EXOSC7: variants seen among roughly 807,000 people sequenced by gnomAD.
EXOSC7 encodes exosome component 7, also known as exosome complex component RRP42.
A neutral mutation model predicts 34.3 loss-of-function variants in EXOSC7; 25 were observed. That is an observed-to-expected ratio of 0.73 (90% CI 0.53 to 1.02). The LOEUF (loss-of-function observed/expected upper bound fraction) is 1.02, where lower values mean the gene tolerates loss of function less well. EXOSC7 is among the 50% of genes least tolerant of loss of function. EXOSC7 has a pLI of 0.00. For synonymous variants in EXOSC7, 130 were observed against 143.0 expected (o/e 0.91, Z 0.65); for missense variants, 370 against 368.5 (o/e 1.00, Z -0.03).
At position 44,981,807 on chromosome 3, in the gene EXOSC7, C is replaced by T. The variant is rs565040231; in HGVS notation, c.57+5473C>T. Among the ~76,000 whole-genome samples, 6 of 152,244 alleles carry T rather than the reference C, an allele frequency of 3.9e-5. 1 individual carries two copies. The highest frequency in any genetic ancestry group is 6.8e-3 in the Middle Eastern group (2 of 294). On this transcript the variant is annotated intron_variant, in intron 1 of 7. Coordinates refer to ENST00000265564, the MANE Select transcript of EXOSC7 (RefSeq NM_015004.4). ...CCTGTAGGCCTAGCTGCTTGGGAGG[C>T]TGAGGCCAGAGGATCGCTTGAGCCC...
Position 45,005,381 on chromosome 3 carries a change from G to A in EXOSC7, c.582G>A (p.Val194=), listed in dbSNP as rs1189982005. The A allele has an allele frequency of 6.2e-7, 1 of 1,614,128 alleles. No homozygotes were observed. Among genetic ancestry groups the A allele is most frequent in the South Asian group, 1.1e-5 (1 of 91,080 alleles). The part of the protein sequence containing the change: ...DDPYDCIRLS[V]ENVPCIVTLC... ...CTTATGACTGCATACGACTAAGTGT[G>A]GAGAATGTCCCCTGCATTGTCACTC... The change falls in exon 6 of 8, where the codon GTG becomes GTA. Residue 194 remains valine, a synonymous_variant. Transcript: ENST00000265564.
chr3:45,009,398 G>A (rs1389904156), intron 7 of EXOSC7, among the ~76,000 whole-genome samples: 1 of 152,140 alleles, frequency 6.6e-6, no homozygotes, highest in Non-Finnish European at 1.5e-5. Flanking sequence ...ATTCAGAGGC[G>A]TCAAGGCCCT....
At chr3:45,000,460 G>A (rs1211185992) in intron 4 of EXOSC7, among the ~76,000 whole-genome samples, 2 of 152,172 alleles carry the variant, frequency 1.3e-5, no homozygotes, top group African/African-American at 2.4e-5. Flanking sequence ...CAGCCCAGTC[G>A]GCTTTATTCC....
chr3:45,003,048 G>C (rs1343401514), intron 5 of EXOSC7, among the ~76,000 whole-genome samples: 2 of 152,192 alleles, frequency 1.3e-5, no homozygotes, highest in African/African-American at 4.8e-5. Context: ...TTAGCTGTGG[G>C]GGAGTTGCTG....
chr3:44,998,039 GTT>G (rs538691693), intron 4 of EXOSC7, among the ~76,000 whole-genome samples: 4 of 134,686 alleles, frequency 3.0e-5, no homozygotes, highest in Admixed American at 7.5e-5. Context: ...TTGTTTTTTT[GTT>G]TTTTTTTTTT....
intron 5 of EXOSC7, 95 bp from the exon 6 acceptor site, chr3:45,005,196 G>T: frequency 7.0e-7 from 1 of 1,426,450 alleles, no homozygotes; most frequent in African/African-American, 1.4e-5. Flanking sequence ...TCTTTCTCTT[G>T]TGAGACACAG....
chr3:44,982,205 C>G (rs1449546192), intron 1 of EXOSC7, among the ~76,000 whole-genome samples: 1 of 152,216 alleles, frequency 6.6e-6, no homozygotes, highest in African/African-American at 2.4e-5. Context: ...AAGTGTTTCT[C>G]AGATCAGAGA....
intron 3 of EXOSC7, among the ~76,000 whole-genome samples, chr3:44,994,245 TAAA>T (rs76598308): frequency 4.4e-5 from 6 of 137,080 alleles, no homozygotes; most frequent in Non-Finnish European, 4.7e-5. Context: ...TGCTAAACAT[TAAA>T]AAAAAAAAAA....
intron 1 of EXOSC7, among the ~76,000 whole-genome samples, chr3:44,987,234 G>C (rs1190860982): frequency 1.3e-5 from 2 of 152,154 alleles, no homozygotes; most frequent in Non-Finnish European, 2.9e-5. Context: ...GAGAAACCTA[G>C]GGTGAATGGG....
chr3:45,006,668 G>A (rs1264225148), intron 6 of EXOSC7, among the ~76,000 whole-genome samples: 10 of 149,296 alleles, frequency 6.7e-5, no homozygotes, highest in East Asian at 2.0e-4. Context: ...TGCCCGCCTC[G>A]GCCTCCCAAA....
At chr3:44,994,860 T>G (rs1170104198) in intron 3 of EXOSC7, among the ~76,000 whole-genome samples, 3 of 21,330 alleles carry the variant, frequency 1.4e-4, no homozygotes, top group East Asian at 0.012. Flanking sequence ...AGAATGGGTG[T>G]GTGTGTGTGT....
intron 3 of EXOSC7, among the ~76,000 whole-genome samples, chr3:44,992,577 C>T (rs1706603008): frequency 6.6e-6 from 1 of 152,182 alleles, no homozygotes; most frequent in Non-Finnish European, 1.5e-5. Flanking sequence ...AGCCCTGTTC[C>T]AGAGATGCCT....
At chr3:45,007,024 G>A (rs533384966) in intron 6 of EXOSC7, among the ~76,000 whole-genome samples, 75 of 152,230 alleles carry the variant, frequency 4.9e-4, no homozygotes, top group South Asian at 8.3e-4. Context: ...CCAGCCTTTG[G>A]CTTGTTCTTG....
intron 5 of EXOSC7, 36 bp from the exon 6 acceptor site, chr3:45,005,255 T>C (rs769052101): frequency 6.2e-7 from 1 of 1,612,502 alleles, no homozygotes; most frequent in Non-Finnish European, 8.5e-7. Context: ...TTTTTCCTCC[T>C]CCAAGTGGGA....
intron 1 of EXOSC7, 56 bp downstream of exon 1, chr3:44,976,390 C>A: frequency 6.8e-7 from 1 of 1,479,256 alleles, no homozygotes; most frequent in Non-Finnish European, 9.0e-7. Context: ...CCCTGCGGGT[C>A]GCGGCCTGCC....
At chr3:45,000,236 CTG>C (rs1706836796) in intron 4 of EXOSC7, among the ~76,000 whole-genome samples, 1 of 152,194 alleles carries the variant, frequency 6.6e-6, no homozygotes, top group South Asian at 2.1e-4. Flanking sequence ...GGTCACAAGC[CTG>C]TCTTTTGATG....
chr3:44,981,098 A>G (rs909404659), intron 1 of EXOSC7, among the ~76,000 whole-genome samples: 10 of 152,316 alleles, frequency 6.6e-5, no homozygotes, highest in South Asian at 2.1e-4. Flanking sequence ...CTTTACCCCA[A>G]CATTCTGAAT....
rs368543979 is a variant in EXOSC7, at chr3:45,009,612, G to A, written c.772-1623G>A. Among the ~76,000 whole-genome samples the A allele has an allele frequency of 1.2e-4, 18 of 151,604 alleles. No individual in the cohort carries two copies. The East Asian group carries it at 1.7e-3, about 15-fold the overall frequency. The stretch of plus-strand genomic sequence containing the variant: ...CGCCCAGGCTGGAGTGCAGTGGTGC[G>A]ATCTCAGCTCACTGCAACCTCCGCC... On this transcript the variant is annotated intron_variant, in intron 7 of 7. Coordinates refer to ENST00000265564, the MANE Select transcript of EXOSC7 (RefSeq NM_015004.4).
At chr3:44,978,726 A>T (rs1432084418) in intron 1 of EXOSC7, among the ~76,000 whole-genome samples, 4 of 152,170 alleles carry the variant, frequency 2.6e-5, no homozygotes, top group African/African-American at 9.6e-5. Context: ...GGTGGAGGAC[A>T]TGTGGAGCCC....
Sources: allele counts gnomAD v4.1 joint callset (sites outside exome capture counted in the v4.1 genomes callset), GRCh38; gene constraint gnomAD v4.1.1; transcripts MANE v1.5; gene names NCBI Gene and HGNC (gene_info 2026-07-23, HGNC 2026-07-21).